The following GPC5 variants were observed in gnomAD, a reference collection of about 807,000 sequenced individuals.
GPC5 encodes the protein glypican-5.
GPC5 carries 47 observed loss-of-function variants against 53.9 expected under a neutral mutation model. The ratio of observed to expected loss-of-function variants is 0.87; its 90% CI spans 0.69 to 1.11. The LOEUF is 1.11. Among genes scored for constraint, GPC5 ranks in the 50% most tolerant of loss-of-function variants. The probability of loss-of-function intolerance (pLI) is 0.00; values close to 1 mark genes in which losing one functional copy is unlikely to be tolerated. For synonymous variants in GPC5, 286 were observed against 263.3 expected, an observed-to-expected ratio of 1.09 and a Z score of -0.84; for missense variants, 748 against 713.1, an observed-to-expected ratio of 1.05 and a Z score of -0.56.
At position 92,539,627 on chromosome 13, in the gene GPC5, C is replaced by T. The variant is rs372910173; in HGVS notation, c.1562-326655C>T. On this transcript the variant is annotated intron_variant, in intron 7 of 7. Transcript: ENST00000377067. ...TCTCCCATTCTGTAGGTTGCCTGTTCACTCTGATGATAGTTTTTTCTTTCT... is the reference window on the plus strand; with the variant it reads ...TCTCCCATTCTGTAGGTTGCCTGTTTACTCTGATGATAGTTTTTTCTTTCT... Among the ~76,000 whole-genome samples, 125 of 152,022 alleles carry T rather than the reference C, an allele frequency of 8.2e-4. 2 individuals carry two copies. In the South Asian group the frequency reaches 0.025, roughly 30 times the overall value.
chr13:91,690,053 T>C (rs1011544788), intron 2 of GPC5, among the ~76,000 whole-genome samples: 6 of 152,244 alleles, frequency 3.9e-5, no homozygotes, highest in Non-Finnish European at 7.3e-5. Flanking sequence ...TGGACTATGA[T>C]GTTATGATGG....
chr13:92,554,315 A>C lies in GPC5; in HGVS notation c.1562-311967A>C, dbSNP rs571789623. On this transcript the variant is annotated intron_variant, in intron 7 of 7. Transcript: ENST00000377067. ...CTTTTCATTCAGTGAAATTTTTAAA[A>C]ATAATGGTTCTTTTCAGTATAACAG... Among the ~76,000 whole-genome samples the C allele has an allele frequency of 3.9e-5, 6 of 152,080 alleles. No homozygotes were observed. The South Asian group carries it at 1.0e-3, about 26-fold the overall frequency.
At chr13:92,826,207 A>T (rs933316368) in intron 7 of GPC5, among the ~76,000 whole-genome samples, 1 of 152,102 alleles carries the variant, frequency 6.6e-6, no homozygotes, top group African/African-American at 2.4e-5. Context: ...TTCAGGTCCC[A>T]AGTAAGTTCA....
chr13:92,732,163 T>C (rs1448279868), intron 7 of GPC5, among the ~76,000 whole-genome samples: 7 of 151,532 alleles, frequency 4.6e-5, no homozygotes, highest in Non-Finnish European at 8.9e-5. Context: ...ATTCCTCTCT[T>C]ACCACTTTCA....
chr13:91,968,535 C>T (rs1306606631), intron 6 of GPC5, among the ~76,000 whole-genome samples: 1 of 151,988 alleles, frequency 6.6e-6, no homozygotes, highest in Non-Finnish European at 1.5e-5. Context: ...AATCTCGGCT[C>T]ACTGCAACCT....
At chr13:92,369,045 G>T (rs1401561279) in intron 7 of GPC5, among the ~76,000 whole-genome samples, 4 of 152,194 alleles carry the variant, frequency 2.6e-5, no homozygotes, top group African/African-American at 9.6e-5. Context: ...ATTCACAAAA[G>T]AAATTCGTTC....
At chr13:91,901,149 A>G (rs2039493739) in intron 5 of GPC5, among the ~76,000 whole-genome samples, 2 of 152,078 alleles carry the variant, frequency 1.3e-5, no homozygotes, top group Non-Finnish European at 2.9e-5. Flanking sequence ...GAAATTTGTT[A>G]TATATAAATA....
chr13:92,537,093 A>G (rs1410233744), intron 7 of GPC5, among the ~76,000 whole-genome samples: 1 of 152,132 alleles, frequency 6.6e-6, no homozygotes, highest in East Asian at 1.9e-4. Context: ...AAAATTCCAT[A>G]TCTAAAGCAG....
chr13:92,315,470 G>A (rs952537626), intron 7 of GPC5, among the ~76,000 whole-genome samples: 4 of 152,160 alleles, frequency 2.6e-5, no homozygotes, highest in African/African-American at 7.2e-5. Context: ...GGGCATCAGG[G>A]TTTGAAAAGC....
chr13:91,502,445 A>T lies in GPC5; in HGVS notation c.325+53523A>T, dbSNP rs368736275. 4.1e-4 allele frequency among the ~76,000 whole-genome samples: 62 copies of T among 152,258 alleles called. No homozygotes were observed. In the East Asian group the frequency reaches 9.5e-3, roughly 23 times the overall value. ...CCCTTTGTTTAACTAGATAGCTTAA[A>T]AGGAGGCAGGTGAACAGCACTGGAG... On this transcript the variant is annotated intron_variant, in intron 2 of 7. Transcript: ENST00000377067.
chr13:92,381,986 C>G (rs191031356), intron 7 of GPC5, among the ~76,000 whole-genome samples: 1,796 of 143,670 alleles, frequency 0.013, 43 homozygotes, highest in African/African-American at 0.043. Context: ...ATCTATCTAT[C>G]TATCTATCTA....
Position 91,591,785 on chromosome 13 carries a change from G to A in GPC5, c.326-101402G>A, listed in dbSNP as rs78967373. ...TGTAATTAATTTTTTAGCTCTAGAA[G>A]TTCAGTTTTGTTCCTTCTTAAAATG... On this transcript the variant is annotated intron_variant, in intron 2 of 7. Transcript: ENST00000377067. Among the ~76,000 whole-genome samples, 788 of 152,252 alleles carry A rather than the reference G, an allele frequency of 5.2e-3. 9 individuals are homozygous for A. The highest frequency in any genetic ancestry group is 0.018 in the African/African-American group (753 of 41,560).
chr13:91,909,407 A>G (rs1337654775), intron 6 of GPC5, among the ~76,000 whole-genome samples: 1 of 152,210 alleles, frequency 6.6e-6, no homozygotes, highest in African/African-American at 2.4e-5. Flanking sequence ...CACTGTGAGG[A>G]CACGGTGAAA....
intron 5 of GPC5, among the ~76,000 whole-genome samples, chr13:91,880,295 T>C (rs1443002052): frequency 6.6e-6 from 1 of 152,090 alleles, no homozygotes; most frequent in Non-Finnish European, 1.5e-5. Context: ...TATGTTTTTC[T>C]CTTTAAATTT....
At chr13:91,906,345 G>A (rs1364229657) in intron 5 of GPC5, among the ~76,000 whole-genome samples, 1 of 151,950 alleles carries the variant, frequency 6.6e-6, no homozygotes, top group Admixed American at 6.6e-5. Context: ...TTTTTCCCTA[G>A]TCTAAGTCCA....
At chr13:92,863,885 C>T (rs1338862246) in intron 7 of GPC5, among the ~76,000 whole-genome samples, 1 of 152,104 alleles carries the variant, frequency 6.6e-6, no homozygotes. Flanking sequence ...CCCCATCAGA[C>T]CATAAACCAC....
chr13:92,551,096 T>A (rs6492616), intron 7 of GPC5, among the ~76,000 whole-genome samples: 36,250 of 151,658 alleles, frequency 0.24, 5,155 homozygotes, highest in African/African-American at 0.4. Context: ...TTAGTTATAT[T>A]CATAGTTATG....
At chr13:91,556,880 G>A (rs1374852761) in intron 2 of GPC5, among the ~76,000 whole-genome samples, 1 of 151,846 alleles carries the variant, frequency 6.6e-6, no homozygotes, top group African/African-American at 2.4e-5. Flanking sequence ...TATACTGCTC[G>A]GGTGATGGGT....
At chr13:92,052,291 T>A (rs2041036133) in intron 6 of GPC5, among the ~76,000 whole-genome samples, 1 of 152,154 alleles carries the variant, frequency 6.6e-6, no homozygotes, top group Non-Finnish European at 1.5e-5. Flanking sequence ...GGGTTCTTGG[T>A]CTCACCGACT....
Sources: gnomAD v4.1 joint callset for allele counts (sites outside exome capture counted in the v4.1 genomes callset) on GRCh38, gnomAD v4.1.1 for gene constraint, MANE v1.5 for transcripts, NCBI Gene and HGNC (gene_info 2026-07-23, HGNC 2026-07-21) for gene names.